LYRM4: variants seen among roughly 807,000 people sequenced by gnomAD.
LYRM4 encodes LYR motif containing 4, also known as LYR motif-containing protein 4.
In LYRM4, 9 loss-of-function variants were observed where a neutral mutation model predicts 11.7. That is an observed-to-expected ratio of 0.77 (90% confidence interval 0.46 to 1.34). The LOEUF is 1.34. Ranked by LOEUF, LYRM4 falls within the 40% of genes most tolerant of loss-of-function variation. The probability of loss-of-function intolerance (pLI) is 0.00; values close to 1 mark genes in which losing one functional copy is unlikely to be tolerated. For missense variants in LYRM4, 133 were observed against 112.5 expected (o/e 1.18, Z -0.82); for synonymous variants, 42 against 40.4 (o/e 1.04, Z -0.15).
Position 5,131,427 on chromosome 6 carries a change from C to T in LYRM4, c.208-21936G>A, listed in dbSNP as rs571264007. On this transcript the variant is annotated intron_variant, in intron 2 of 2. Transcript: ENST00000330636. ...AAAAAAATTTGTGTCTGGCTGGGTG[C>T]AATGGCTCACGCCTGTAATCCCAGC... Among the ~76,000 whole-genome samples, 17 of 152,282 alleles carry T rather than the reference C, an allele frequency of 1.1e-4. No individual in the cohort carries two copies. The South Asian group carries it at 3.3e-3, about 30-fold the overall frequency.
chr6:5,215,505 A>G (rs1028070394), intron 2 of LYRM4, among the ~76,000 whole-genome samples: 5 of 152,212 alleles, frequency 3.3e-5, no homozygotes, highest in African/African-American at 9.6e-5. Context: ...GTATTACTAA[A>G]TAGCTGTAGA....
At chr6:5,165,614 C>T (rs1218546578) in intron 2 of LYRM4, among the ~76,000 whole-genome samples, 1 of 151,846 alleles carries the variant, frequency 6.6e-6, no homozygotes. Context: ...GCGATCTCGG[C>T]TCACTGCAGC....
chr6:5,138,487 C>CAAAAAAAAAAAAAAAAAA lies in LYRM4; in HGVS notation c.208-29014_208-28997dup, dbSNP rs765741377. ...GGCCAACAGAGTGAGACCCTGTCTC[C>CAAAAAAAAAAAAAAAAAA]AAAAAAAAAAAAAAAAAAAAAAAAA... On this transcript the variant is annotated intron_variant, in intron 2 of 2. Coordinates refer to ENST00000330636, the MANE Select transcript of LYRM4 (RefSeq NM_020408.6). 3.0e-4 allele frequency among the ~76,000 whole-genome samples: 15 copies of CAAAAAAAAAAAAAAAAAA among 49,682 alleles called. 2 individuals are homozygous for CAAAAAAAAAAAAAAAAAA. Among genetic ancestry groups the CAAAAAAAAAAAAAAAAAA allele is most frequent in the African/African-American group, 8.3e-4 (10 of 12,070 alleles). The allele number at this position is 49,682 out of a possible 152,430, so 32.6% of individuals were successfully genotyped here. A position where few individuals can be genotyped will look rare whatever the true frequency, so the allele number is the denominator to read the frequency against.
chr6:5,239,964 CG>C (rs1763780403), intron 1 of LYRM4, among the ~76,000 whole-genome samples: 2 of 152,178 alleles, frequency 1.3e-5, no homozygotes, highest in African/African-American at 4.8e-5. Context: ...CTGATGCCCC[CG>C]GCAGGGATGC....
the LYRM4 span, chr6:5,066,507 C>G: frequency 1.3e-6 from 1 of 789,232 alleles, no homozygotes; most frequent in South Asian, 1.3e-5. Context: ...TATTACTCCA[C>G]CACTTCTAGG....
chr6:5,058,366 G>A, the LYRM4 span, among the ~76,000 whole-genome samples: 1 of 152,308 alleles, frequency 6.6e-6, no homozygotes, highest in South Asian at 2.1e-4. Context: ...TCCCAAGCCT[G>A]CTTTCTCATG....
chr6:5,138,834 G>A (rs1349754365), intron 2 of LYRM4: 2 of 916,504 alleles, frequency 2.2e-6, no homozygotes, highest in Non-Finnish European at 3.3e-6. Context: ...AGTGCTAGAG[G>A]TGTTTAAGAC....
chr6:5,197,991 T>A (rs193261745), intron 2 of LYRM4, among the ~76,000 whole-genome samples: 1 of 152,142 alleles, frequency 6.6e-6, no homozygotes. Context: ...ACCAACATGG[T>A]GAAACCCCAT....
chr6:5,167,851 A>G (rs1759179013), intron 2 of LYRM4, among the ~76,000 whole-genome samples: 1 of 152,072 alleles, frequency 6.6e-6, no homozygotes, highest in Non-Finnish European at 1.5e-5. Flanking sequence ...AATTTGAAAT[A>G]CTCAGCTTCT....
At chr6:5,056,502 A>G in the LYRM4 span, among the ~76,000 whole-genome samples, 3,937 of 152,270 alleles carry the variant, frequency 0.026, 77 homozygotes, top group South Asian at 0.049. Flanking sequence ...TCTTTTACCT[A>G]TGCATAGTCT....
At chr6:5,242,078 T>A (rs1173042607) in intron 1 of LYRM4, among the ~76,000 whole-genome samples, 7 of 151,478 alleles carry the variant, frequency 4.6e-5, no homozygotes, top group Non-Finnish European at 8.8e-5. Context: ...CTTACACTTT[T>A]TTTTTTTTTT....
chr6:5,139,739 GC>G (rs917177049), intron 2 of LYRM4, among the ~76,000 whole-genome samples: 1 of 152,078 alleles, frequency 6.6e-6, no homozygotes, highest in African/African-American at 2.4e-5. Flanking sequence ...GGCTGTTTTA[GC>G]ACCTCATTTC....
chr6:5,037,862 G>A, the LYRM4 span, among the ~76,000 whole-genome samples: 1 of 54,552 alleles, frequency 1.8e-5, no homozygotes, highest in African/African-American at 4.8e-5. Context: ...CCGGGCAGAG[G>A]GGCTCCTCAC....
At chr6:5,211,629 T>C (rs1761991234) in intron 2 of LYRM4, among the ~76,000 whole-genome samples, 1 of 152,106 alleles carries the variant, frequency 6.6e-6, no homozygotes, top group Non-Finnish European at 1.5e-5. Flanking sequence ...CTATTTTGAG[T>C]TCCTTAACTA....
chr6:5,064,542 A>G, the LYRM4 span, among the ~76,000 whole-genome samples: 1 of 152,240 alleles, frequency 6.6e-6, no homozygotes, highest in East Asian at 1.9e-4. Context: ...TGTATCATAT[A>G]TTTTTTAAAT....
intron 2 of LYRM4, chr6:5,113,159 G>A (rs1375374066): frequency 6.5e-6 from 2 of 309,924 alleles, no homozygotes; most frequent in Non-Finnish European, 1.3e-5. Flanking sequence ...GTGAGGATGG[G>A]TGCAGTGGCT....
chr6:5,238,885 C>T (rs1763702547), intron 1 of LYRM4, among the ~76,000 whole-genome samples: 1 of 152,182 alleles, frequency 6.6e-6, no homozygotes, highest in Admixed American at 6.5e-5. Flanking sequence ...ATTAACTGGG[C>T]TCTCATTCAG....
At chr6:5,154,864 C>T (rs183246805) in intron 2 of LYRM4, among the ~76,000 whole-genome samples, 1 of 152,138 alleles carries the variant, frequency 6.6e-6, no homozygotes, top group African/African-American at 2.4e-5. Flanking sequence ...GGCGGATTCA[C>T]AAAGGTGCAG....
chr6:5,123,455 G>A (rs1205790265), intron 2 of LYRM4, among the ~76,000 whole-genome samples: 2 of 152,178 alleles, frequency 1.3e-5, no homozygotes, highest in African/African-American at 2.4e-5. Flanking sequence ...CCCCCACATC[G>A]CAGGATCTAG....
Sources: gnomAD v4.1 joint callset for allele counts (sites outside exome capture counted in the v4.1 genomes callset) on GRCh38, gnomAD v4.1.1 for gene constraint, MANE v1.5 for transcripts, NCBI Gene and HGNC (gene_info 2026-07-23, HGNC 2026-07-21) for gene names.